AMMECR1: variants seen among roughly 807,000 people sequenced by gnomAD.
AMMECR1 encodes the protein nuclear protein AMMECR1.
Under a neutral mutation model 22.5 loss-of-function variants are expected in AMMECR1, and 3 were observed. The observed-to-expected ratio is 0.13, with a 90% CI of 0.06 to 0.35. The LOEUF (loss-of-function observed/expected upper bound fraction) is 0.35. Among genes scored for constraint, AMMECR1 ranks in the 10% least tolerant of loss-of-function variants. The probability of loss-of-function intolerance (pLI) is 1.00; values close to 1 mark genes in which losing one functional copy is unlikely to be tolerated. For synonymous variants in AMMECR1, 130 were observed against 116.7 expected, an observed-to-expected ratio of 1.11 and a Z score of -0.74; for missense variants, 235 against 278.7, an observed-to-expected ratio of 0.84 and a Z score of 1.12.
At chrX:110,403,439 C>CACAG (rs1220755892) in intron 2 of AMMECR1, among the ~76,000 whole-genome samples, 13 of 112,059 alleles carry the variant, frequency 1.2e-4, no homozygotes, top group Non-Finnish European at 2.3e-4. Context: ...CACAGACACA[C>CACAG]ACAGACAGAC....
intron 2 of AMMECR1, among the ~76,000 whole-genome samples, chrX:110,339,645 C>T (rs1050942117): frequency 1.8e-4 from 20 of 109,737 alleles, no homozygotes; most frequent in Non-Finnish European, 3.6e-4. Flanking sequence ...TGCAGGCATG[C>T]GCCACCACGC....
chrX:110,295,163 T>C (rs760989858), intron 1 of AMMECR1, among the ~76,000 whole-genome samples: 3 of 111,837 alleles, frequency 2.7e-5, no homozygotes, highest in East Asian at 2.8e-4. Context: ...TAGTGATAGA[T>C]ACTTCACATT....
intron 2 of AMMECR1, among the ~76,000 whole-genome samples, chrX:110,349,029 T>C (rs1315731028): frequency 8.9e-6 from 1 of 111,768 alleles, no homozygotes; most frequent in Non-Finnish European, 1.9e-5. Flanking sequence ...AGTGATAAGA[T>C]CTCATTGGCC....
intron 1 of AMMECR1, among the ~76,000 whole-genome samples, chrX:110,270,329 G>C (rs1188510186): frequency 9.0e-6 from 1 of 111,691 alleles, no homozygotes; most frequent in Admixed American, 9.5e-5. Context: ...CACTGAAAGA[G>C]TCTTTAAGAG....
chrX:110,404,079 G>T (rs2068582156), intron 2 of AMMECR1, among the ~76,000 whole-genome samples: 1 of 112,560 alleles, frequency 8.9e-6, no homozygotes, highest in African/African-American at 3.2e-5. Context: ...CCGGAGACTT[G>T]TTGTCATGTT....
At chrX:110,246,911 C>G (rs1208958052) in intron 2 of AMMECR1, among the ~76,000 whole-genome samples, 1 of 112,063 alleles carries the variant, frequency 8.9e-6, no homozygotes, top group Non-Finnish European at 1.9e-5. Flanking sequence ...ACACTATAGG[C>G]AAGAAACAGA....
intron 2 of AMMECR1, among the ~76,000 whole-genome samples, chrX:110,232,536 T>C (rs1482652761): frequency 9.0e-6 from 1 of 111,461 alleles, no homozygotes; most frequent in Non-Finnish European, 1.9e-5. Context: ...GGGAAATTTA[T>C]AGCACTAAAT....
chrX:110,369,080 C>T (rs1442969334), intron 2 of AMMECR1, among the ~76,000 whole-genome samples: 1 of 112,099 alleles, frequency 8.9e-6, no homozygotes, highest in Non-Finnish European at 1.9e-5. Context: ...CGCCTGTAAT[C>T]CCAGCACTTT....
chrX:110,238,038 C>A (rs2067610412), intron 2 of AMMECR1, among the ~76,000 whole-genome samples: 1 of 111,681 alleles, frequency 9.0e-6, no homozygotes, highest in Admixed American at 9.5e-5. Flanking sequence ...CTGGAATTAA[C>A]CATCTACAGG....
chrX:110,307,572 T>C (rs370135460), intron 1 of AMMECR1, among the ~76,000 whole-genome samples: 9 of 111,598 alleles, frequency 8.1e-5, no homozygotes, highest in Non-Finnish European at 1.7e-4. Context: ...AATATAAATA[T>C]ACAGGCCTAA....
chrX:110,281,151 G>A (rs1462397904), intron 1 of AMMECR1, among the ~76,000 whole-genome samples: 2 of 112,174 alleles, frequency 1.8e-5, no homozygotes, highest in African/African-American at 6.5e-5. Context: ...TGTTAAACCA[G>A]TAAAACACCA....
In AMMECR1 at chrX:110,350,844, C is replaced by T. The variant is rs1280383310; in HGVS notation, c.-147-32995G>A. On this transcript the variant is annotated intron_variant, in intron 2 of 7. Transcript: ENST00000372057. ...AAAATTAGCTGGGCATGGTGGCACG[C>T]ACCCTGTGATCCCAGCTACTCAGGA... Among the ~76,000 whole-genome samples, 12 of 110,040 alleles carry T rather than the reference C, an allele frequency of 1.1e-4. No individual in the cohort carries two copies. In the East Asian group the frequency reaches 1.4e-3, roughly 13 times the overall value.
intron 2 of AMMECR1, among the ~76,000 whole-genome samples, chrX:110,236,694 A>G (rs1013151002): frequency 8.9e-6 from 1 of 112,505 alleles, no homozygotes; most frequent in African/African-American, 3.2e-5. Context: ...TTCAAATTTA[A>G]TAAAGTTATT....
intron 2 of AMMECR1, among the ~76,000 whole-genome samples, chrX:110,387,378 A>C (rs1253952933): frequency 8.9e-6 from 1 of 112,187 alleles, no homozygotes; most frequent in Admixed American, 9.5e-5. Context: ...TAACTGGACA[A>C]ATTTCACATA....
chrX:110,339,177 C>T (rs1201827349), intron 2 of AMMECR1, among the ~76,000 whole-genome samples: 1 of 111,253 alleles, frequency 9.0e-6, no homozygotes, highest in Non-Finnish European at 1.9e-5. Context: ...GTGAGATTAG[C>T]AAGATGGGAG....
intron 2 of AMMECR1, among the ~76,000 whole-genome samples, chrX:110,376,360 T>C (rs1442406948): frequency 2.7e-5 from 3 of 111,139 alleles, no homozygotes; most frequent in African/African-American, 9.8e-5. Context: ...GAAGTTAGCC[T>C]GCCTCCAGAC....
chrX:110,422,985 C>T (rs1037723045), intron 2 of AMMECR1, among the ~76,000 whole-genome samples: 5 of 111,726 alleles, frequency 4.5e-5, no homozygotes, highest in East Asian at 2.8e-4. Flanking sequence ...TAGCCTAGGC[C>T]GTGAGTTGAT....
chrX:110,430,190 A>G (rs147989693), intron 1 of AMMECR1, among the ~76,000 whole-genome samples: 324 of 112,759 alleles, frequency 2.9e-3, no homozygotes, highest in Admixed American at 4.1e-3. Context: ...TGCTCAACAT[A>G]TATTTGCTGA....
intron 2 of AMMECR1, among the ~76,000 whole-genome samples, chrX:110,325,651 T>C (rs958212570): frequency 8.9e-6 from 1 of 112,462 alleles, no homozygotes; most frequent in African/African-American, 3.2e-5. Context: ...ATCCCATTTC[T>C]GATTTTAGTA....
Sources: gnomAD v4.1 joint callset for allele counts (sites outside exome capture counted in the v4.1 genomes callset) on GRCh38, gnomAD v4.1.1 for gene constraint, MANE v1.5 for transcripts, NCBI Gene and HGNC (gene_info 2026-07-23, HGNC 2026-07-21) for gene names.